Variants in TMEM266 observed in about 807,000 individuals in gnomAD.
TMEM266 encodes the protein Hv1 related protein 1.
Under a neutral mutation model 50.5 loss-of-function variants are expected in TMEM266, and 33 were observed. The ratio of observed to expected loss-of-function variants is 0.65; its 90% confidence interval spans 0.50 to 0.87. The LOEUF (loss-of-function observed/expected upper bound fraction) is 0.87, where lower values mean the gene tolerates loss of function less well. Among genes scored for constraint, TMEM266 ranks in the 40% least tolerant of loss-of-function variants. The pLI is 0.00. For missense variants in TMEM266, 655 were observed against 695.1 expected, an observed-to-expected ratio of 0.94 and a Z score of 0.65; for synonymous variants, 310 against 292.3, an observed-to-expected ratio of 1.06 and a Z score of -0.62.
At chr15:76,151,887 C>G (rs1242427357) in intron 3 of TMEM266, among the ~76,000 whole-genome samples, 1 of 152,184 alleles carries the variant, frequency 6.6e-6, no homozygotes, top group Non-Finnish European at 1.5e-5. Flanking sequence ...TATCGAGGAC[C>G]TGGAACAGCG....
chr15:76,170,485 G>A (rs560366012), intron 6 of TMEM266, among the ~76,000 whole-genome samples: 2 of 152,372 alleles, frequency 1.3e-5, no homozygotes, highest in East Asian at 1.9e-4. Flanking sequence ...GCAGGCGGAC[G>A]GAAGGGCAGG....
chr15:76,123,710 A>G (rs566400575), intron 1 of TMEM266, among the ~76,000 whole-genome samples: 1 of 147,998 alleles, frequency 6.8e-6, no homozygotes, highest in South Asian at 2.1e-4. Flanking sequence ...CCAAGGGATG[A>G]ATCTTTTTTT....
At chr15:76,075,360 G>A (rs760299361) in intron 1 of TMEM266, among the ~76,000 whole-genome samples, 1 of 152,106 alleles carries the variant, frequency 6.6e-6, no homozygotes, top group Admixed American at 6.5e-5. Context: ...TTCAGTGAAG[G>A]GAGAGGAAAA....
chr15:76,159,988 C>G, intron 4 of TMEM266, 107 bp from the exon 5 acceptor site: 1 of 1,040,674 alleles, frequency 9.6e-7, no homozygotes, highest in Non-Finnish European at 1.5e-6. Flanking sequence ...AACGTTCATG[C>G]AGGCGGGCCC....
At chr15:76,077,618 A>G (rs2036624670) in intron 1 of TMEM266, among the ~76,000 whole-genome samples, 1 of 152,124 alleles carries the variant, frequency 6.6e-6, no homozygotes, top group East Asian at 1.9e-4. Flanking sequence ...GGAGAGAGGC[A>G]GAGGAAGATT....
chr15:76,150,381 T>G (rs988228220), intron 3 of TMEM266, among the ~76,000 whole-genome samples: 7 of 152,168 alleles, frequency 4.6e-5, no homozygotes, highest in African/African-American at 1.7e-4. Flanking sequence ...AGCTCCTTCC[T>G]TGAGAACTTG....
intron 1 of TMEM266, among the ~76,000 whole-genome samples, chr15:76,069,910 A>G (rs766780206): frequency 6.6e-6 from 1 of 152,170 alleles, no homozygotes; most frequent in Non-Finnish European, 1.5e-5. Flanking sequence ...TGTAAATACC[A>G]TTCTCAGCTC....
chr15:76,150,087 C>G (rs969300308), intron 3 of TMEM266, among the ~76,000 whole-genome samples: 1 of 152,316 alleles, frequency 6.6e-6, no homozygotes, highest in Admixed American at 6.5e-5. Context: ...GGGCTTTAAC[C>G]TGGAGCCTGG....
intron 1 of TMEM266, among the ~76,000 whole-genome samples, chr15:76,119,403 AAAAAAAAAAG>A (rs2037303731): frequency 6.6e-6 from 1 of 150,936 alleles, no homozygotes; most frequent in Non-Finnish European, 1.5e-5. Flanking sequence ...AAAAAAAAAA[AAAAAAAAAAG>A]AAAAGAAAAG....
At chr15:76,184,743 C>T (rs1372625181) in intron 8 of TMEM266, among the ~76,000 whole-genome samples, 2 of 152,184 alleles carry the variant, frequency 1.3e-5, no homozygotes, top group Non-Finnish European at 2.9e-5. Context: ...TGGGTCTGAC[C>T]CCTCCTGGGC....
chr15:76,131,119 G>A (rs1352417651), intron 1 of TMEM266, among the ~76,000 whole-genome samples: 5 of 152,208 alleles, frequency 3.3e-5, no homozygotes, highest in African/African-American at 4.8e-5. Flanking sequence ...TCTCATGCCT[G>A]TAATCCCAGC....
chr15:76,188,763 T>C (rs1441683799), intron 8 of TMEM266, among the ~76,000 whole-genome samples: 1 of 152,188 alleles, frequency 6.6e-6, no homozygotes, highest in Non-Finnish European at 1.5e-5. Flanking sequence ...CGAGATGAGA[T>C]TTGGGTGGGG....
intron 8 of TMEM266, among the ~76,000 whole-genome samples, chr15:76,183,369 G>A (rs2038449279): frequency 6.6e-6 from 1 of 152,062 alleles, no homozygotes; most frequent in Non-Finnish European, 1.5e-5. Flanking sequence ...ACCCACCTCG[G>A]CCTCCCAAAG....
intron 1 of TMEM266, among the ~76,000 whole-genome samples, chr15:76,077,425 A>G (rs1356933159): frequency 6.6e-6 from 1 of 152,116 alleles, no homozygotes; most frequent in Non-Finnish European, 1.5e-5. Flanking sequence ...AAAATCCACA[A>G]ATGGTGGTGT....
chr15:76,072,085 C>G (rs997765808), intron 1 of TMEM266, among the ~76,000 whole-genome samples: 2 of 152,064 alleles, frequency 1.3e-5, no homozygotes, highest in Admixed American at 1.3e-4. Flanking sequence ...GTTGTAACCA[C>G]ATTCAGATGG....
chr15:76,160,325 G>C lies in TMEM266; in HGVS notation c.456+157G>C, dbSNP rs988459741. ...CACAATATAGATAGATGATCTCTGCGGGGGGAAGTGGTACAGGGAGCCCAA... is the reference window on the plus strand; with the variant it reads ...CACAATATAGATAGATGATCTCTGCCGGGGGAAGTGGTACAGGGAGCCCAA... On this transcript the variant is annotated intron_variant, in intron 5 of 10. Coordinates refer to ENST00000388942, the MANE Select transcript of TMEM266 (RefSeq NM_152335.3). The surrounding 1 kb of genome is among the most constrained non-coding windows in gnomAD (Gnocchi z 5.7). Among the ~76,000 whole-genome samples, 3 of 152,208 alleles carry C rather than the reference G, an allele frequency of 2.0e-5. No homozygotes were observed. The highest frequency in any genetic ancestry group is 4.8e-5 in the African/African-American group (2 of 41,450).
At chr15:76,100,010 C>A (rs185634421) in intron 1 of TMEM266, among the ~76,000 whole-genome samples, 3 of 152,260 alleles carry the variant, frequency 2.0e-5, no homozygotes, top group African/African-American at 7.2e-5. Context: ...ATGAGAACAG[C>A]AAGGGGGAAA....
chr15:76,204,882 GGTGGGTGGGAGGGTCCT>G lies in TMEM266; in HGVS notation c.*568_*584del, dbSNP rs2142096173. The G allele has an allele frequency of 6.5e-6, 1 of 152,854 alleles. No homozygotes were observed. The highest frequency in any genetic ancestry group is 2.1e-4 in the South Asian group (1 of 4,828). The allele number at this position is 152,854 out of a possible 1,614,324, so 9.5% of individuals were successfully genotyped here. A position where few individuals can be genotyped will look rare whatever the true frequency, so the allele number is the denominator to read the frequency against. ...CAGGATATAAAGGGATCAACCTAGA[GGTGGGTGGGAGGGTCCT>G]AGAGGGCAGGGGAACAACCATTTTC... On this transcript the variant is annotated 3_prime_UTR_variant, in exon 11 of 11. Coordinates refer to ENST00000388942, the MANE Select transcript of TMEM266 (RefSeq NM_152335.3).
At chr15:76,067,643 AAAAAAAG>A (rs1323404392) in intron 1 of TMEM266, among the ~76,000 whole-genome samples, 3 of 140,352 alleles carry the variant, frequency 2.1e-5, no homozygotes, top group Non-Finnish European at 3.1e-5. Context: ...AAAAAAAAAA[AAAAAAAG>A]AAAAGAAAAG....
Sources: allele counts gnomAD v4.1 joint callset (sites outside exome capture counted in the v4.1 genomes callset), GRCh38; gene constraint gnomAD v4.1.1; non-coding constraint Gnocchi (gnomAD v3.1); transcripts MANE v1.5; gene names NCBI Gene and HGNC (gene_info 2026-07-23, HGNC 2026-07-21).